Variants in TSC22D1 observed in about 807,000 individuals in gnomAD.
The protein encoded by TSC22D1 is TSC22 domain family protein 1.
A neutral mutation model predicts 74.2 loss-of-function variants in TSC22D1; 9 were observed. The ratio of observed to expected loss-of-function variants is 0.12; its 90% CI spans 0.07 to 0.21. TSC22D1 has a LOEUF of 0.21. Among genes scored for constraint, TSC22D1 ranks in the 10% least tolerant of loss-of-function variants. The probability of loss-of-function intolerance (pLI) is 1.00; values close to 1 mark genes in which losing one functional copy is unlikely to be tolerated. For missense variants in TSC22D1, 1,427 were observed against 1,304.7 expected (o/e 1.09, Z -1.44); for synonymous variants, 586 against 492.5 (o/e 1.19, Z -2.51).
At chr13:44,497,169 TAAAC>T (rs1209576582) in intron 1 of TSC22D1, among the ~76,000 whole-genome samples, 3 of 152,080 alleles carry the variant, frequency 2.0e-5, no homozygotes, top group African/African-American at 7.2e-5. Context: ...CATCAGTAGA[TAAAC>T]AAACAAAATG....
chr13:44,574,137 T>C lies in TSC22D1; in HGVS notation c.1938A>G (p.Lys646=). 1.9e-6 allele frequency: 3 copies of C among 1,614,224 alleles called. No individual in the cohort carries two copies. The highest frequency in any genetic ancestry group is 1.7e-6 in the Non-Finnish European group (2 of 1,180,014). ...CTGAAGCAGGATTTTGAGTCACTGA[T>C]TTGACATGGCCTGGGGCCATCTGTG... is the stretch of plus-strand genomic sequence containing the variant. ...VSTQMAPGHV[K]SVTQNPASEY... is the part of the protein sequence containing the mutation. The change falls in exon 1 of 3, where the codon AAA becomes AAG. Residue 646 remains lysine, a synonymous_variant. Transcript: ENST00000458659.
chr13:44,436,394 A>G lies in TSC22D1; in HGVS notation c.2913-299T>C, dbSNP rs1404522719. 4 of 1,353,054 alleles carry G rather than the reference A, an allele frequency of 3.0e-6. No individual in the cohort carries two copies. The African/African-American group carries it at 5.9e-5, about 20-fold the overall frequency. The allele number at this position is 1,353,054 out of a possible 1,614,324, so 83.8% of individuals were successfully genotyped here. On this transcript the variant is annotated intron_variant, in intron 1 of 2. Coordinates refer to ENST00000458659, the MANE Select transcript of TSC22D1 (RefSeq NM_183422.4). ...CATTTCGAAAAACAACATCCATGTC[A>G]CCATAATCTCTCAGCAATGGACAAA...
Position 44,574,263 on chromosome 13 carries a change from C to G in TSC22D1, c.1812G>C (p.Gln604His). The G allele has an allele frequency of 6.2e-7, 1 of 1,614,184 alleles. No homozygotes were observed. The highest frequency in any genetic ancestry group is 8.5e-7 in the Non-Finnish European group (1 of 1,180,030). ...QPSISSLAQPQLPYSQAAPPV... is the reference protein window; with the variant it reads ...QPSISSLAQPHLPYSQAAPPV... ...GAGGAGCCGCCTGAGAATATGGTAG[C>G]TGGGGTTGAGCCAAACTGGAAATGG... is the stretch of plus-strand genomic sequence containing the variant. The change falls in exon 1 of 3, where the codon CAG (glutamine) becomes CAC (histidine). Residue 604 changes from glutamine (Q) to histidine (H), a missense_variant. This residue lies in a region of TSC22D1 where 1,343 missense variants were observed against 1,191.5 expected (regional missense o/e 1.13). Transcript: ENST00000458659.
At chr13:44,437,185 A>C (rs1048264526) in intron 1 of TSC22D1, 3 of 985,418 alleles carry the variant, frequency 3.0e-6, no homozygotes, top group Non-Finnish European at 2.4e-6. Context: ...CGTTTAAGGG[A>C]GTCAGACCCC....
In TSC22D1 at chr13:44,573,842, G is replaced by A. The variant is rs995483696; in HGVS notation, c.2233C>T (p.Pro745Ser). The A allele has an allele frequency of 1.2e-6, 2 of 1,614,206 alleles. No individual in the cohort carries two copies. The highest frequency in any genetic ancestry group is 1.7e-6 in the Non-Finnish European group (2 of 1,180,026). Residue 745 changes from proline to serine, a missense_variant, in exon 1 of 3, where the codon CCC (proline) becomes TCC (serine). By Grantham distance (74) the Pro-to-Ser change is moderately conservative (BLOSUM62 -1). Coordinates refer to ENST00000458659, the MANE Select transcript of TSC22D1 (RefSeq NM_183422.4). ...QANIPTAVQQ[P>S]STQVPPSVIQ... ...ACTGAAGGTGGAACCTGGGTAGAGG[G>A]CTGCTGCACTGCAGTAGGTATGTTT... is the stretch of plus-strand genomic sequence containing the variant.
Position 44,511,149 on chromosome 13 carries a change from G to C in TSC22D1, c.2912+62014C>G, listed in dbSNP as rs148372846. On this transcript the variant is annotated intron_variant, in intron 1 of 2. Transcript: ENST00000458659. Reference sequence around the variant, plus strand: ...ATACAAAATATTAGCCGGGCATGGTGGTGCGCACCTGTAATCCCAGCTACT... The same window carrying C: ...ATACAAAATATTAGCCGGGCATGGTCGTGCGCACCTGTAATCCCAGCTACT... 4.7e-3 allele frequency among the ~76,000 whole-genome samples: 709 copies of C among 152,092 alleles called. 6 individuals carry two copies. Among genetic ancestry groups the C allele is most frequent in the African/African-American group, 0.016 (681 of 41,486 alleles).
chr13:44,456,725 G>C (rs1404134312), intron 1 of TSC22D1, among the ~76,000 whole-genome samples: 4 of 152,186 alleles, frequency 2.6e-5, no homozygotes, highest in Non-Finnish European at 4.4e-5. Context: ...ACAACATTCA[G>C]AACACTAGAA....
chr13:44,556,721 T>C (rs897732030), intron 1 of TSC22D1, among the ~76,000 whole-genome samples: 12 of 151,496 alleles, frequency 7.9e-5, no homozygotes, highest in South Asian at 4.2e-4. Context: ...CAAAAACTAG[T>C]TGGACGTGGT....
At chr13:44,512,548 C>T (rs760493999) in intron 1 of TSC22D1, among the ~76,000 whole-genome samples, 2 of 152,192 alleles carry the variant, frequency 1.3e-5, no homozygotes, top group Non-Finnish European at 2.9e-5. Flanking sequence ...TTCCCTATTA[C>T]TGTGAAACAG....
At chr13:44,571,196 G>A (rs548811268) in intron 1 of TSC22D1, among the ~76,000 whole-genome samples, 2 of 152,218 alleles carry the variant, frequency 1.3e-5, no homozygotes, top group African/African-American at 4.8e-5. Context: ...TGTGTACAGT[G>A]TCTGAAGACA....
chr13:44,466,075 T>A (rs1877269952), intron 1 of TSC22D1, among the ~76,000 whole-genome samples: 1 of 152,158 alleles, frequency 6.6e-6, no homozygotes, highest in South Asian at 2.1e-4. Context: ...ACAAGGATAT[T>A]CCTAGGACAC....
intron 1 of TSC22D1, chr13:44,451,361 A>C (rs929913479): frequency 2.0e-5 from 3 of 152,220 alleles, no homozygotes; most frequent in Non-Finnish European, 4.4e-5. Flanking sequence ...TGAGAGCCAA[A>C]AACAGCCTCC....
intron 1 of TSC22D1, chr13:44,539,606 T>C: frequency 6.1e-6 from 6 of 985,406 alleles, no homozygotes; most frequent in South Asian, 4.7e-5. Flanking sequence ...TTAGGTCTCA[T>C]TTTTGAATGA....
At chr13:44,487,918 C>T (rs566942294) in intron 1 of TSC22D1, among the ~76,000 whole-genome samples, 80 of 152,036 alleles carry the variant, frequency 5.3e-4, no homozygotes, top group African/African-American at 1.8e-3. Flanking sequence ...ATTAGCTGGG[C>T]GTGGTGGTGC....
At chr13:44,459,886 T>C (rs183435905) in intron 1 of TSC22D1, among the ~76,000 whole-genome samples, 4 of 152,286 alleles carry the variant, frequency 2.6e-5, no homozygotes, top group African/African-American at 9.6e-5. Context: ...CCCTTGCCAC[T>C]GACCCTTGGC....
At chr13:44,512,176 T>C (rs557111144) in intron 1 of TSC22D1, among the ~76,000 whole-genome samples, 1 of 152,120 alleles carries the variant, frequency 6.6e-6, no homozygotes, top group East Asian at 1.9e-4. Context: ...TTTTCTTTTT[T>C]TGTTTGTTTT....
intron 1 of TSC22D1, among the ~76,000 whole-genome samples, chr13:44,489,335 C>CTTAT (rs1245425485): frequency 6.6e-6 from 1 of 151,444 alleles, no homozygotes; most frequent in East Asian, 1.9e-4. Context: ...AAAACATTAA[C>CTTAT]TATAAAGGAA....
intron 1 of TSC22D1, among the ~76,000 whole-genome samples, chr13:44,516,946 C>T (rs139577319): frequency 1.3e-5 from 2 of 152,286 alleles, no homozygotes; most frequent in African/African-American, 2.4e-5. Flanking sequence ...AGTCACCCCG[C>T]CTTCTTCCTG....
chr13:44,529,030 A>G (rs920330397), intron 1 of TSC22D1, among the ~76,000 whole-genome samples: 1 of 152,118 alleles, frequency 6.6e-6, no homozygotes, highest in Non-Finnish European at 1.5e-5. Flanking sequence ...ATGATATGAT[A>G]CCAATTCTCT....
Sources: allele counts gnomAD v4.1 joint callset (sites outside exome capture counted in the v4.1 genomes callset), GRCh38; gene constraint gnomAD v4.1.1; regional missense constraint gnomAD v4.1.1; transcripts MANE v1.5; gene names NCBI Gene and HGNC (gene_info 2026-07-23, HGNC 2026-07-21).